The following RUFY4 variants were observed in gnomAD, a reference collection of about 807,000 sequenced individuals.
The protein encoded by RUFY4 is RUN and FYVE domain-containing protein 4.
RUFY4 carries 73 observed loss-of-function variants against 69.0 expected under a neutral mutation model. The observed-to-expected ratio is 1.06, with a 90% CI of 0.88 to 1.29. RUFY4 has a LOEUF of 1.29. Among genes scored for constraint, RUFY4 ranks in the 50% most tolerant of loss-of-function variants. The pLI is 0.00. For synonymous variants in RUFY4, 287 were observed against 271.8 expected, an observed-to-expected ratio of 1.06 and a Z score of -0.55; for missense variants, 770 against 705.6, an observed-to-expected ratio of 1.09 and a Z score of -1.03.
At chr2:218,050,281 G>A (rs544611138) in intron 2 of RUFY4, among the ~76,000 whole-genome samples, 2 of 152,120 alleles carry the variant, frequency 1.3e-5, no homozygotes, top group Non-Finnish European at 2.9e-5. Flanking sequence ...TCACTCTCCA[G>A]TGTCCACATA....
intron 9 of RUFY4, among the ~76,000 whole-genome samples, chr2:218,084,242 T>G (rs1689837532): frequency 6.6e-6 from 1 of 152,038 alleles, no homozygotes; most frequent in South Asian, 2.1e-4. Flanking sequence ...TTGCTTGTTT[T>G]TTTTTTTTTA....
At chr2:218,070,795 G>A (rs1418705455) in exon 2 of RUFY4, 13 of 1,537,104 alleles carry the variant, frequency 8.5e-6, no homozygotes, top group South Asian at 1.2e-5. Flanking sequence ...GATGGGCAGG[G>A]GCCAGTGACG....
intron 3 of RUFY4, among the ~76,000 whole-genome samples, chr2:218,063,726 G>T (rs1483102265): frequency 6.6e-6 from 1 of 152,184 alleles, no homozygotes; most frequent in East Asian, 1.9e-4. Flanking sequence ...GGGGCACAGT[G>T]TGAGGGCAGA....
chr2:218,072,340 T>C (rs1265824030), intron 2 of RUFY4, 34 bp from the exon 5 acceptor site: 12 of 1,535,896 alleles, frequency 7.8e-6, no homozygotes, highest in African/African-American at 2.7e-5. Flanking sequence ...GGAGGAAGCA[T>C]TTCTACACTT....
chr2:218,058,562 T>C (rs1433612655), intron 2 of RUFY4: 1 of 152,202 alleles, frequency 6.6e-6, no homozygotes, highest in South Asian at 2.1e-4. Context: ...TAGAATTGTG[T>C]TTCCCCAAAT....
chr2:218,047,910 G>A (rs371787171), intron 2 of RUFY4, among the ~76,000 whole-genome samples: 253 of 152,108 alleles, frequency 1.7e-3, no homozygotes, highest in African/African-American at 5.8e-3. Flanking sequence ...CTATCCTATT[G>A]GAAAGTTCCC....
intron 3 of RUFY4, among the ~76,000 whole-genome samples, chr2:218,063,392 G>C (rs540888270): frequency 6.6e-6 from 1 of 152,356 alleles, no homozygotes; most frequent in East Asian, 1.9e-4. Flanking sequence ...GGGTGAGGAA[G>C]TGGAAAAGTC....
chr2:218,082,692 G>A (rs1170574719), intron 8 of RUFY4, among the ~76,000 whole-genome samples: 1 of 151,842 alleles, frequency 6.6e-6, no homozygotes, highest in Non-Finnish European at 1.5e-5. Flanking sequence ...TGTGTGTGTT[G>A]TGCAAGTGTG....
chr2:218,053,929 G>A (rs1689003935), intron 2 of RUFY4, among the ~76,000 whole-genome samples: 1 of 152,228 alleles, frequency 6.6e-6, no homozygotes, highest in Non-Finnish European at 1.5e-5. Flanking sequence ...ACAAGCCTGA[G>A]ACACCGCACC....
At chr2:218,057,967 A>G (rs564470867) in intron 2 of RUFY4, among the ~76,000 whole-genome samples, 25 of 152,362 alleles carry the variant, frequency 1.6e-4, no homozygotes, top group African/African-American at 6.0e-4. Context: ...GCTGCAATGA[A>G]TGTTCTGTAC....
At chr2:218,089,397 C>A in intron 10 of RUFY4, 35 bp downstream of exon 12, 1 of 1,581,032 alleles carries the variant, frequency 6.3e-7, no homozygotes, top group Non-Finnish European at 8.7e-7. Flanking sequence ...CCCTCTGGGA[C>A]AGCCCAGTTT....
At chr2:218,051,568 T>TAAA (rs35465389) in intron 2 of RUFY4, among the ~76,000 whole-genome samples, 4 of 114,890 alleles carry the variant, frequency 3.5e-5, no homozygotes, top group Non-Finnish European at 5.3e-5. Context: ...TCCAATATTT[T>TAAA]AAAAAAAAAA....
At chr2:218,069,919 A>C (rs1052278978), upstream of RUFY4, among the ~76,000 whole-genome samples, 2 of 152,162 alleles carry the variant, frequency 1.3e-5, no homozygotes, top group African/African-American at 4.8e-5. Context: ...AGAGAAAGGC[A>C]GTATTACAAC....
Position 218,089,249 on chromosome 2 carries a change from CAG to C in RUFY4, c.1506_1507del. The C allele has an allele frequency of 6.2e-7, 1 of 1,611,406 alleles. No individual in the cohort carries two copies. Among genetic ancestry groups the C allele is most frequent in the Non-Finnish European group, 8.5e-7 (1 of 1,177,894 alleles). The stretch of plus-strand genomic sequence containing the variant: ...TGTCTCTCCACCTTCATCCCCCCAT[CAG>C]AGAGAAGGACCGCCTGTGGCAGAGG... On this transcript the variant is annotated splice_acceptor_variant, in intron 9 of 10. Transcript: ENST00000344321. LOFTEE classifies it high-confidence loss of function.
intron 3 of RUFY4, chr2:218,060,999 C>A: frequency 1.3e-6 from 1 of 764,168 alleles, no homozygotes; most frequent in Non-Finnish European, 2.4e-6. Context: ...ACAGTCCATG[C>A]TGCGGCAGGC....
At chr2:218,062,158 G>A (rs570643605) in intron 3 of RUFY4, among the ~76,000 whole-genome samples, 6 of 152,280 alleles carry the variant, frequency 3.9e-5, no homozygotes, top group South Asian at 4.1e-4. Context: ...CCAGCACTTC[G>A]GGAGGCCGAG....
intron 2 of RUFY4, among the ~76,000 whole-genome samples, chr2:218,050,083 G>A (rs1409473720): frequency 1.3e-5 from 2 of 152,154 alleles, no homozygotes; most frequent in Non-Finnish European, 2.9e-5. Context: ...ACTTCTGGAT[G>A]ATGTCTTTTA....
At chr2:218,057,093 A>T (rs4672867) in intron 2 of RUFY4, among the ~76,000 whole-genome samples, 1 of 150,216 alleles carries the variant, frequency 6.7e-6, no homozygotes, top group South Asian at 2.1e-4. Flanking sequence ...AAAAAAAAAA[A>T]AGAGAGAGAG....
chr2:218,059,457 G>T (rs1408535988), intron 3 of RUFY4: 3 of 166,650 alleles, frequency 1.8e-5, no homozygotes, highest in Non-Finnish European at 2.9e-5. Flanking sequence ...GGTAATCACT[G>T]TTCTGCTTTC....
Sources: gnomAD v4.1 joint callset for allele counts (sites outside exome capture counted in the v4.1 genomes callset) on GRCh38, gnomAD v4.1.1 for gene constraint, MANE v1.5 for transcripts, NCBI Gene and HGNC (gene_info 2026-07-23, HGNC 2026-07-21) for gene names.